The following CRISP2 variants were observed in gnomAD, a reference collection of about 807,000 sequenced individuals.
The protein encoded by CRISP2 is cysteine rich secretory protein 2.
A neutral mutation model predicts 31.7 loss-of-function variants in CRISP2; 29 were observed. That is an observed-to-expected ratio of 0.92 (90% CI 0.68 to 1.25). CRISP2 has a LOEUF of 1.25. Ranked by LOEUF, CRISP2 falls within the 50% of genes most tolerant of loss-of-function variation. The probability of loss-of-function intolerance (pLI) is 0.00; values close to 1 mark genes in which losing one functional copy is unlikely to be tolerated. For missense variants in CRISP2, 318 were observed against 286.5 expected (o/e 1.11, Z -0.79); for synonymous variants, 111 against 101.4 (o/e 1.09, Z -0.57).
Position 49,695,830 on chromosome 6 carries a change from A to G in CRISP2, c.604+6T>C. The G allele has an allele frequency of 6.3e-7, 1 of 1,592,456 alleles. No individual in the cohort carries two copies. The highest frequency in any genetic ancestry group is 8.6e-7 in the Non-Finnish European group (1 of 1,163,976). On this transcript the variant is annotated splice_donor_region_variant and intron_variant, in intron 9 of 9. Transcript: ENST00000339139. ...AATAATAGCAAGCTAATCACTTCAA[A>G]CTTACTGCATAGTCCTTTGTCACAG...
intron 4 of CRISP2, among the ~76,000 whole-genome samples, chr6:49,707,519 G>A (rs1030791051): frequency 1.3e-5 from 2 of 152,162 alleles, no homozygotes; most frequent in Non-Finnish European, 1.5e-5. Context: ...ACCAGGAGAT[G>A]AGCTGAGATG....
At chr6:49,693,707 A>G (rs1764278083) in intron 9 of CRISP2, among the ~76,000 whole-genome samples, 1 of 152,152 alleles carries the variant, frequency 6.6e-6, no homozygotes, top group African/African-American at 2.4e-5. Flanking sequence ...CTTCTGTTTA[A>G]TGAATTCTGC....
At chr6:49,680,183 G>A in the CRISP2 span, among the ~76,000 whole-genome samples, 2 of 152,102 alleles carry the variant, frequency 1.3e-5, no homozygotes, top group Non-Finnish European at 2.9e-5. Context: ...TCCAGTGTGT[G>A]TTGTTCCCCT....
At chr6:49,698,267 T>C in intron 7 of CRISP2, 95 bp downstream of exon 7, 4 of 1,400,638 alleles carry the variant, frequency 2.9e-6, no homozygotes, top group Middle Eastern at 2.0e-4. Context: ...ACTCGGACTG[T>C]TCTCCTAAAT....
upstream of CRISP2, among the ~76,000 whole-genome samples, chr6:49,714,004 A>C (rs894885108): frequency 6.6e-6 from 1 of 152,126 alleles, no homozygotes; most frequent in Non-Finnish European, 1.5e-5. Context: ...CCTCATAAAC[A>C]CTTCATGTTC....
At chr6:49,709,043 C>T (rs1767547106) in intron 4 of CRISP2, 88 bp downstream of exon 4, 4 of 1,132,472 alleles carry the variant, frequency 3.5e-6, no homozygotes, top group Non-Finnish European at 5.3e-6. Context: ...ACATACCAAA[C>T]TCTCTTACCC....
chr6:49,697,061 C>T (rs528229298), intron 8 of CRISP2, among the ~76,000 whole-genome samples: 7 of 152,222 alleles, frequency 4.6e-5, no homozygotes, highest in Admixed American at 2.0e-4. Context: ...AAACTGGAAT[C>T]GTACATCATC....
At chr6:49,699,026 C>G (rs547357869) in intron 6 of CRISP2, among the ~76,000 whole-genome samples, 1 of 152,174 alleles carries the variant, frequency 6.6e-6, no homozygotes, top group Non-Finnish European at 1.5e-5. Flanking sequence ...TATGGGTTTT[C>G]TCTTAACCAG....
In CRISP2 at chr6:49,712,351, T is replaced by C. The variant is rs556326627; in HGVS notation, c.-47+150A>G. ...ACCATCTAACCTATACTCATCTTCA[T>C]TGAGTCAATGAAAGCAATGTCACTG... is the stretch of plus-strand genomic sequence containing the variant. On this transcript the variant is annotated intron_variant, in intron 2 of 9. Transcript: ENST00000339139. The C allele has an allele frequency of 5.9e-5, 9 of 152,350 alleles. No homozygotes were observed. In the South Asian group the frequency reaches 1.9e-3, roughly 32 times the overall value. 9.4% of individuals were successfully genotyped at this position (152,350 alleles called of 1,614,324 possible).
intron 4 of CRISP2, among the ~76,000 whole-genome samples, chr6:49,704,785 C>T (rs1464687608): frequency 6.6e-6 from 1 of 152,090 alleles, no homozygotes; most frequent in Non-Finnish European, 1.5e-5. Context: ...GAGTCCTTGG[C>T]TGTAGTTTTG....
intron 8 of CRISP2, chr6:49,697,616 G>T (rs1217687534): frequency 1.7e-5 from 17 of 984,802 alleles, no homozygotes; most frequent in Non-Finnish European, 2.3e-5. Flanking sequence ...CTGAGGGAAG[G>T]CCAATTGAAA....
At chr6:49,677,809 A>G in the CRISP2 span, among the ~76,000 whole-genome samples, 4 of 152,180 alleles carry the variant, frequency 2.6e-5, no homozygotes, top group African/African-American at 7.2e-5. Flanking sequence ...CCTGAAAGAC[A>G]ATTTTTTAAA....
chr6:49,712,110 G>C (rs969497938), intron 2 of CRISP2, among the ~76,000 whole-genome samples: 1 of 152,172 alleles, frequency 6.6e-6, no homozygotes, highest in Admixed American at 6.5e-5. Context: ...ACATGTTCAA[G>C]GCCTGGTTCT....
chr6:49,679,446 G>T, the CRISP2 span, among the ~76,000 whole-genome samples: 1 of 152,058 alleles, frequency 6.6e-6, no homozygotes, highest in Non-Finnish European at 1.5e-5. Context: ...TAAAAATGTT[G>T]TTTTTTGAAC....
chr6:49,697,696 T>C (rs1399907999), intron 8 of CRISP2, 164 bp downstream of exon 8: 6 of 1,516,116 alleles, frequency 4.0e-6, no homozygotes, highest in Non-Finnish European at 5.3e-6. Flanking sequence ...GAAGTTGTTC[T>C]CCTCTGAGAA....
intron 4 of CRISP2, among the ~76,000 whole-genome samples, chr6:49,703,521 A>T (rs963080567): frequency 3.3e-5 from 5 of 152,082 alleles, no homozygotes; most frequent in Non-Finnish European, 5.9e-5. Context: ...GTTTTCTTGT[A>T]GAGGTCTTTC....
chr6:49,682,577 CTT>C, the CRISP2 span, among the ~76,000 whole-genome samples: 1 of 97,892 alleles, frequency 1.0e-5, no homozygotes, highest in Non-Finnish European at 2.0e-5. Context: ...CTTTCTTTTT[CTT>C]TCTTTCTTTT....
downstream of CRISP2, among the ~76,000 whole-genome samples, chr6:49,688,225 T>G (rs1763945777): frequency 6.6e-6 from 1 of 152,194 alleles, no homozygotes; most frequent in East Asian, 1.9e-4. Flanking sequence ...TTAAGTGACA[T>G]GCATATTTAC....
intron 3 of CRISP2, among the ~76,000 whole-genome samples, chr6:49,710,645 T>A (rs911255852): frequency 6.6e-6 from 1 of 152,194 alleles, no homozygotes; most frequent in South Asian, 2.1e-4. Context: ...GTAGTTCTAG[T>A]ATAATTGTCT....
Sources: gnomAD v4.1 joint callset for allele counts (sites outside exome capture counted in the v4.1 genomes callset) on GRCh38, gnomAD v4.1.1 for gene constraint, MANE v1.5 for transcripts, NCBI Gene and HGNC (gene_info 2026-07-23, HGNC 2026-07-21) for gene names.